The following CENATAC variants were observed in gnomAD, a reference collection of about 807,000 sequenced individuals.
CENATAC encodes coiled-coil domain containing 84.
In CENATAC, 53 loss-of-function variants were observed where a neutral mutation model predicts 53.7. That is an observed-to-expected ratio of 0.99 (90% CI 0.79 to 1.24). The LOEUF (loss-of-function observed/expected upper bound fraction) is 1.24. Among genes scored for constraint, CENATAC ranks in the 50% most tolerant of loss-of-function variants. CENATAC has a pLI of 0.00. For missense variants in CENATAC, 474 were observed against 417.8 expected (o/e 1.13, Z -1.17); for synonymous variants, 156 against 144.6 (o/e 1.08, Z -0.57).
chr11:119,006,115 T>G (rs1409395668), intron 3 of CENATAC, among the ~76,000 whole-genome samples: 2 of 124,934 alleles, frequency 1.6e-5, no homozygotes, highest in Non-Finnish European at 3.2e-5. Flanking sequence ...TGAGATGGAA[T>G]CTTGCTCTGT....
At chr11:119,004,236 A>AG (rs1243643642) in intron 3 of CENATAC, among the ~76,000 whole-genome samples, 1 of 151,790 alleles carries the variant, frequency 6.6e-6, no homozygotes, top group Non-Finnish European at 1.5e-5. Flanking sequence ...TAGATGACAT[A>AG]CCATAATGAT....
At chr11:119,003,023 C>T (rs1942390122) in intron 3 of CENATAC, 3 of 522,002 alleles carry the variant, frequency 5.7e-6, no homozygotes, top group Non-Finnish European at 1.1e-5. Context: ...GAGATGATCC[C>T]TATTTTGTTG....
At chr11:119,013,468 T>A (rs1321077127) in intron 8 of CENATAC, among the ~76,000 whole-genome samples, 1 of 150,244 alleles carries the variant, frequency 6.7e-6, no homozygotes, top group African/African-American at 2.4e-5. Flanking sequence ...GCTAATTTTT[T>A]TTTTTTTTTT....
At chr11:119,014,025 T>C (rs1263565775) in intron 8 of CENATAC, 3 of 152,198 alleles carry the variant, frequency 2.0e-5, no homozygotes, top group Admixed American at 2.0e-4. Flanking sequence ...CTTCATACAC[T>C]GCTCTTAGAA....
At chr11:119,014,143 T>A (rs1943018663) in intron 8 of CENATAC, 1 of 152,236 alleles carries the variant, frequency 6.6e-6, no homozygotes, top group Non-Finnish European at 1.5e-5. Flanking sequence ...CATAGACTTG[T>A]ACACAAATCT....
intron 1 of CENATAC, 35 bp downstream of exon 1, chr11:118,998,352 CG>C: frequency 6.2e-7 from 1 of 1,610,610 alleles, no homozygotes; most frequent in Non-Finnish European, 8.5e-7. Flanking sequence ...GATGGGAGTG[CG>C]GGGCAGGTCA....
intron 3 of CENATAC, chr11:119,003,509 A>T: frequency 2.5e-6 from 1 of 393,228 alleles, no homozygotes; most frequent in South Asian, 2.1e-5. Context: ...TGTTGGCCAA[A>T]CTGGTCTCGA....
intron 3 of CENATAC, among the ~76,000 whole-genome samples, chr11:119,001,073 A>G (rs1942272593): frequency 6.6e-6 from 1 of 152,130 alleles, no homozygotes; most frequent in Non-Finnish European, 1.5e-5. Flanking sequence ...GGCACCTCCT[A>G]TAGGTCCCAC....
In CENATAC at chr11:118,998,146, C is replaced by T. The variant is rs570535068; in HGVS notation, c.-52C>T. ...CCCGAGGGGTCAGGGTCAGAGGCCG[C>T]CGGATGGCGTAGGATCGGCCGCTGG... On this transcript the variant is annotated 5_prime_UTR_variant, in exon 1 of 11. Transcript: ENST00000334418. 3 of 1,551,114 alleles carry T rather than the reference C, an allele frequency of 1.9e-6. No homozygotes were observed. In the South Asian group the frequency reaches 3.5e-5, roughly 18 times the overall value.
chr11:119,013,147 G>A, intron 7 of CENATAC, 85 bp from the exon 8 acceptor site: 1 of 1,015,214 alleles, frequency 9.9e-7, no homozygotes, highest in Non-Finnish European at 1.5e-6. Flanking sequence ...CTTTTAAAGT[G>A]TGCTTTGTCT....
intron 3 of CENATAC, 46 bp downstream of exon 3, chr11:118,999,155 G>A (rs1942163371): frequency 7.0e-7 from 1 of 1,430,688 alleles, no homozygotes. Flanking sequence ...GAATTCTCTG[G>A]ATCTTTGTCA....
In CENATAC at chr11:118,998,558, G is replaced by A. The variant is rs782344072; in HGVS notation, c.249G>A (p.Thr83=). ...AACACCTGAGCCATGGAAACCTGAC[G>A]GTGCTGTACGGGGGGCTGCTGGAGC... The part of the protein sequence containing the change: ...VREHLSHGNL[T]VLYGGLLEHL... Residue 83 remains threonine, a synonymous_variant, in exon 2 of 11, where the codon ACG becomes ACA. Transcript: ENST00000334418. The A allele has an allele frequency of 6.3e-7, 1 of 1,581,782 alleles. No individual in the cohort carries two copies. Among genetic ancestry groups the A allele is most frequent in the Non-Finnish European group, 8.6e-7 (1 of 1,163,304 alleles).
chr11:119,006,314 C>A (rs1344283270), intron 3 of CENATAC, among the ~76,000 whole-genome samples: 2 of 140,110 alleles, frequency 1.4e-5, no homozygotes, highest in African/African-American at 2.7e-5. Context: ...CGGCTCACTG[C>A]AAGCTCCGCC....
Position 118,998,567 on chromosome 11 carries a change from C to T in CENATAC, c.258C>T (p.Tyr86=), listed in dbSNP as rs372399464. ...HLSHGNLTVL[Y]GGLLEHLASP... ...GCCATGGAAACCTGACGGTGCTGTACGGGGGGCTGCTGGAGCATCTGGCCA... is the reference window on the plus strand; with the variant it reads ...GCCATGGAAACCTGACGGTGCTGTATGGGGGGCTGCTGGAGCATCTGGCCA... Residue 86 remains tyrosine (Y), a synonymous_variant, in exon 2 of 11, where the codon TAC becomes TAT. Coordinates refer to ENST00000334418, the MANE Select transcript of CENATAC (RefSeq NM_198489.3). The T allele has an allele frequency of 1.9e-6, 3 of 1,574,170 alleles. No individual in the cohort carries two copies. Among genetic ancestry groups the T allele is most frequent in the African/African-American group, 1.3e-5 (1 of 74,106 alleles).
rs782594489 is a variant in CENATAC at position 119,013,266 on chromosome 11, A to C, written c.715+4A>C. The C allele has an allele frequency of 6.2e-7, 1 of 1,607,080 alleles. No homozygotes were observed. The highest frequency in any genetic ancestry group is 8.5e-7 in the Non-Finnish European group (1 of 1,176,738). ...GGAGTTGGTAACATCCACTCAGGTA[A>C]GGTCCAGGGCAGTGTTTTTAAAACC... On this transcript the variant is annotated splice_donor_region_variant and intron_variant, in intron 8 of 10. Transcript: ENST00000334418.
intron 3 of CENATAC, chr11:119,002,985 A>G: frequency 1.2e-5 from 6 of 491,440 alleles, no homozygotes; most frequent in South Asian, 8.9e-5. Flanking sequence ...ATATACATAT[A>G]TTTAGAATTA....
intron 3 of CENATAC, chr11:119,003,392 G>A: frequency 1.9e-6 from 1 of 516,176 alleles, no homozygotes; most frequent in South Asian, 1.4e-5. Flanking sequence ...GGCCTTCAGA[G>A]CCTTGCTTTG....
chr11:119,003,973 T>C (rs1416149831), intron 3 of CENATAC: 1 of 152,312 alleles, frequency 6.6e-6, no homozygotes, highest in Non-Finnish European at 1.5e-5. Flanking sequence ...ATTTGGTTGC[T>C]TGGTTCATAT....
rs189505542 is a variant in CENATAC, at chr11:119,001,460, C to T, written c.383+2351C>T. Among the ~76,000 whole-genome samples, 250 of 151,910 alleles carry T rather than the reference C, an allele frequency of 1.6e-3. 1 individual carries two copies. The highest frequency in any genetic ancestry group is 5.4e-3 in the African/African-American group (223 of 41,406). On this transcript the variant is annotated intron_variant, in intron 3 of 10. Coordinates refer to ENST00000334418, the MANE Select transcript of CENATAC (RefSeq NM_198489.3). ...AGGGTGGAGTACAGTGGTGCGATCT[C>T]GGCTCACTGCAACCTCTGCCTCCCG...
Sources: allele counts gnomAD v4.1 joint callset (sites outside exome capture counted in the v4.1 genomes callset), GRCh38; gene constraint gnomAD v4.1.1; transcripts MANE v1.5; gene names NCBI Gene and HGNC (gene_info 2026-07-23, HGNC 2026-07-21).